The following DNAJC15 variants were observed in gnomAD, a reference collection of about 807,000 sequenced individuals.
DNAJC15 encodes dnaJ homolog subfamily C member 15.
Under a neutral mutation model 22.4 loss-of-function variants are expected in DNAJC15, and 27 were observed. The observed-to-expected ratio is 1.20, with a 90% CI of 0.89 to 1.66. The LOEUF (loss-of-function observed/expected upper bound fraction) is 1.66, where lower values mean the gene tolerates loss of function less well. Ranked by LOEUF, DNAJC15 falls within the 40% of genes most tolerant of loss-of-function variation. DNAJC15 has a pLI of 0.00. For missense variants in DNAJC15, 208 were observed against 187.1 expected (o/e 1.11, Z -0.65); for synonymous variants, 79 against 63.2 (o/e 1.25, Z -1.19).
chr13:43,066,272 A>G (rs561604420), intron 2 of DNAJC15, among the ~76,000 whole-genome samples: 2 of 151,432 alleles, frequency 1.3e-5, no homozygotes, highest in Non-Finnish European at 2.9e-5. Flanking sequence ...TTTTTTTGGA[A>G]TGGGCAAGAC....
intron 1 of DNAJC15, among the ~76,000 whole-genome samples, chr13:43,045,585 A>G (rs1351979881): frequency 1.3e-5 from 2 of 152,184 alleles, no homozygotes; most frequent in Non-Finnish European, 2.9e-5. Flanking sequence ...CTTCCATACA[A>G]TGCCTGAAAT....
intron 5 of DNAJC15, among the ~76,000 whole-genome samples, chr13:43,098,325 C>G (rs1247689973): frequency 6.6e-6 from 1 of 152,100 alleles, no homozygotes; most frequent in Non-Finnish European, 1.5e-5. Context: ...GGCACTGAAG[C>G]TACAGCAGTG....
At chr13:43,057,922 A>G (rs1014431377) in intron 1 of DNAJC15, among the ~76,000 whole-genome samples, 3 of 152,156 alleles carry the variant, frequency 2.0e-5, no homozygotes, top group East Asian at 3.9e-4. Flanking sequence ...AGTACTGGGG[A>G]GTGTCTGCAA....
intron 1 of DNAJC15, among the ~76,000 whole-genome samples, chr13:43,030,875 A>G (rs1479119127): frequency 6.6e-6 from 1 of 152,246 alleles, no homozygotes; most frequent in Non-Finnish European, 1.5e-5. Flanking sequence ...CATAGGTGTC[A>G]TAAGAGAAAT....
chr13:43,097,205 T>C, intron 5 of DNAJC15, among the ~76,000 whole-genome samples: 1 of 152,216 alleles, frequency 6.6e-6, no homozygotes, highest in Non-Finnish European at 1.5e-5. Flanking sequence ...TTAGAAATTC[T>C]CTCTAAGGAG....
In DNAJC15 at chr13:43,061,827, G is replaced by A. The variant is rs74571318; in HGVS notation, c.109-3859G>A. ...CATTACATTTCCACATGAGATGTGA[G>A]TGTGGACAAATGTTTAAACTATAAG... On this transcript the variant is annotated intron_variant, in intron 1 of 5. Coordinates refer to ENST00000379221, the MANE Select transcript of DNAJC15 (RefSeq NM_013238.3). Among the ~76,000 whole-genome samples the A allele has an allele frequency of 6.0e-3, 907 of 152,360 alleles. 9 individuals are homozygous for A. Among genetic ancestry groups the A allele is most frequent in the African/African-American group, 0.021 (870 of 41,588 alleles).
rs538218596 is a variant in DNAJC15 at position 43,112,288 on chromosome 13, G to T, written c.*5040G>T. On this transcript the variant is annotated 3_prime_UTR_variant, in exon 6 of 6. Transcript: ENST00000379221. ...CTTTCCCTCTCTGTTCGATTCAACA[G>T]TATCTAGCAGCACTGCTCCAAATTT... 6.6e-6 allele frequency: 1 copy of T among 152,280 alleles called. No individual in the cohort carries two copies. The highest frequency in any genetic ancestry group is 1.9e-4 in the East Asian group (1 of 5,186). The allele number at this position is 152,280 out of a possible 1,614,324, so 9.4% of individuals were successfully genotyped here.
At chr13:43,078,716 G>T (rs529784919) in intron 4 of DNAJC15, 28 bp downstream of exon 4, 21 of 1,597,152 alleles carry the variant, frequency 1.3e-5, no homozygotes, top group Admixed American at 6.7e-5. Context: ...GTATTGTTTT[G>T]TTGTGTGGCC....
At chr13:43,032,979 T>G (rs1228896967) in intron 1 of DNAJC15, among the ~76,000 whole-genome samples, 1 of 151,922 alleles carries the variant, frequency 6.6e-6, no homozygotes, top group East Asian at 1.9e-4. Context: ...GAAGACAGAG[T>G]GGGAGCCACC....
At chr13:43,039,602 C>T (rs2040443848) in intron 1 of DNAJC15, among the ~76,000 whole-genome samples, 1 of 151,890 alleles carries the variant, frequency 6.6e-6, no homozygotes, top group Admixed American at 6.6e-5. Context: ...ATTCATTGGC[C>T]AAAAAATTCT....
intron 1 of DNAJC15, among the ~76,000 whole-genome samples, chr13:43,040,762 T>C (rs1566201732): frequency 6.6e-6 from 1 of 151,926 alleles, no homozygotes; most frequent in Non-Finnish European, 1.5e-5. Context: ...TGTGGCAGGG[T>C]CATAGGATAA....
At chr13:43,031,406 A>T (rs2040403435) in intron 1 of DNAJC15, among the ~76,000 whole-genome samples, 1 of 152,152 alleles carries the variant, frequency 6.6e-6, no homozygotes, top group South Asian at 2.1e-4. Flanking sequence ...CAGGAGAATC[A>T]AGCCCAGAGC....
chr13:43,034,498 G>A (rs1220709679), intron 1 of DNAJC15, among the ~76,000 whole-genome samples: 2 of 151,226 alleles, frequency 1.3e-5, no homozygotes, highest in Non-Finnish European at 2.9e-5. Context: ...TGAATTTTTA[G>A]TAGAGACGGG....
At chr13:43,101,099 G>A (rs569178319) in intron 5 of DNAJC15, among the ~76,000 whole-genome samples, 2 of 152,304 alleles carry the variant, frequency 1.3e-5, no homozygotes, top group South Asian at 2.1e-4. Flanking sequence ...GTCAGGATAT[G>A]TCTTTTTCCA....
intron 5 of DNAJC15, among the ~76,000 whole-genome samples, chr13:43,094,703 C>A (rs948594918): frequency 6.6e-6 from 1 of 152,178 alleles, no homozygotes; most frequent in Admixed American, 6.5e-5. Context: ...GTATCAGGCT[C>A]TATTTTCAAA....
intron 5 of DNAJC15, among the ~76,000 whole-genome samples, chr13:43,087,914 G>A (rs2040696897): frequency 1.3e-5 from 2 of 152,160 alleles, no homozygotes; most frequent in African/African-American, 2.4e-5. Flanking sequence ...AATGTAGTGA[G>A]ATAAAAAAAT....
chr13:43,070,754 C>A (rs985843488), intron 3 of DNAJC15, among the ~76,000 whole-genome samples: 10 of 152,028 alleles, frequency 6.6e-5, no homozygotes, highest in African/African-American at 2.4e-4. Context: ...TCCCTTAGGG[C>A]CTAATAGACA....
intron 5 of DNAJC15, among the ~76,000 whole-genome samples, chr13:43,097,937 CA>C (rs1190218316): frequency 2.0e-5 from 3 of 151,736 alleles, no homozygotes; most frequent in Admixed American, 1.3e-4. Flanking sequence ...AACTCCATCT[CA>C]AAAAAAGAAA....
chr13:43,058,171 T>G (rs368039674), intron 1 of DNAJC15, among the ~76,000 whole-genome samples: 1 of 152,280 alleles, frequency 6.6e-6, no homozygotes, highest in East Asian at 1.9e-4. Flanking sequence ...AGAGTGTGGT[T>G]GTTCTTTTAT....
Sources: allele counts gnomAD v4.1 joint callset (sites outside exome capture counted in the v4.1 genomes callset), GRCh38; gene constraint gnomAD v4.1.1; transcripts MANE v1.5; gene names NCBI Gene and HGNC (gene_info 2026-07-23, HGNC 2026-07-21).